Variants in GJC1 observed in about 807,000 individuals in gnomAD.
The protein encoded by GJC1 is gap junction gamma-1 protein.
In GJC1, 5 loss-of-function variants were observed where a neutral mutation model predicts 29.3. That is an observed-to-expected ratio of 0.17 (90% CI 0.09 to 0.36). The LOEUF is 0.36. Among genes scored for constraint, GJC1 ranks in the 10% least tolerant of loss-of-function variants. GJC1 has a pLI of 1.00. For synonymous variants in GJC1, 177 were observed against 183.3 expected (o/e 0.97, Z 0.28); for missense variants, 310 against 496.2 (o/e 0.62, Z 3.56).
intron 1 of GJC1, among the ~76,000 whole-genome samples, chr17:44,821,614 T>C (rs2145356971): frequency 7.0e-6 from 1 of 143,160 alleles, no homozygotes; most frequent in Non-Finnish European, 1.5e-5. Context: ...GGAGAATCAC[T>C]TGAACTTGGG....
chr17:44,798,732 A>C lies in GJC1; in HGVS notation c.*5895T>G, dbSNP rs1163685734. ...AGTTTTCAATATCAATATGCTACCC[A>C]TGTCATAACACTTAGTGCCTGAGGT... On this transcript the variant is annotated 3_prime_UTR_variant, in exon 3 of 3. Coordinates refer to ENST00000592524, the MANE Select transcript of GJC1 (RefSeq NM_005497.4). 5 of 152,248 alleles carry C rather than the reference A, an allele frequency of 3.3e-5. No homozygotes were observed. Among genetic ancestry groups the C allele is most frequent in the Middle Eastern group, 3.2e-3 (1 of 316 alleles). 9.4% of individuals were successfully genotyped at this position (152,248 alleles called of 1,614,324 possible). A position where few individuals can be genotyped will look rare whatever the true frequency, so the allele number is the denominator to read the frequency against.
intron 2 of GJC1, among the ~76,000 whole-genome samples, chr17:44,806,819 G>A (rs944736356): frequency 6.6e-6 from 1 of 151,732 alleles, no homozygotes; most frequent in East Asian, 1.9e-4. Flanking sequence ...AACATAAAGG[G>A]GACACCTCGG....
chr17:44,822,506 G>C (rs112378158), intron 1 of GJC1, among the ~76,000 whole-genome samples: 263 of 151,874 alleles, frequency 1.7e-3, no homozygotes, highest in African/African-American at 6.1e-3. Context: ...AGCTGGGCGT[G>C]GTGGCAGGCG....
In GJC1 at chr17:44,804,597, T is replaced by C. The variant is rs779720828; in HGVS notation, c.*30A>G. 2 of 1,510,688 alleles carry C rather than the reference T, an allele frequency of 1.3e-6. No homozygotes were observed. Among genetic ancestry groups the C allele is most frequent in the South Asian group, 1.2e-5 (1 of 83,298 alleles). The allele number at this position is 1,510,688 out of a possible 1,614,324, so 93.6% of individuals were successfully genotyped here. Reference sequence around the variant, plus strand: ...GTGAGCTGCTGCTTACCATAAACTATGAAAAGCACAGGTTTTAAGCCCGCC... The same window carrying C: ...GTGAGCTGCTGCTTACCATAAACTACGAAAAGCACAGGTTTTAAGCCCGCC... On this transcript the variant is annotated 3_prime_UTR_variant, in exon 3 of 3. Coordinates refer to ENST00000592524, the MANE Select transcript of GJC1 (RefSeq NM_005497.4).
intron 1 of GJC1, among the ~76,000 whole-genome samples, chr17:44,809,809 C>T (rs1263619832): frequency 2.0e-5 from 3 of 151,908 alleles, no homozygotes; most frequent in Non-Finnish European, 1.5e-5. Flanking sequence ...TCAGGTGATC[C>T]GCCTGCCTCG....
At chr17:44,821,775 T>C (rs2050111528) in intron 1 of GJC1, among the ~76,000 whole-genome samples, 1 of 150,614 alleles carries the variant, frequency 6.6e-6, no homozygotes, top group Non-Finnish European at 1.5e-5. Context: ...TGGTGTCATC[T>C]GGTACAACTT....
At chr17:44,813,194 G>A (rs920520722) in intron 1 of GJC1, 4 of 151,536 alleles carry the variant, frequency 2.6e-5, no homozygotes, top group African/African-American at 7.3e-5. Flanking sequence ...TTAGCCTCCC[G>A]AGTAGCTGGA....
chr17:44,826,427 G>A (rs137912621), intron 1 of GJC1, among the ~76,000 whole-genome samples: 17,356 of 152,008 alleles, frequency 0.11, 1,277 homozygotes, highest in Non-Finnish European at 0.17. Context: ...CTACACAGGA[G>A]GCTGAGGCAG....
intron 1 of GJC1, among the ~76,000 whole-genome samples, chr17:44,815,721 GATTA>G (rs749048417): frequency 3.9e-5 from 6 of 152,164 alleles, no homozygotes; most frequent in African/African-American, 1.2e-4. Context: ...TATAGACATT[GATTA>G]ATTGACATTT....
chr17:44,830,633 C>T, upstream of GJC1: 3 of 398,696 alleles, frequency 7.5e-6, no homozygotes, highest in African/African-American at 2.1e-5. The surrounding 1 kb of genome is among the most constrained non-coding windows in gnomAD (Gnocchi z 4.3). Context: ...GGGTTCTCGC[C>T]TTACCTGGGT....
intron 1 of GJC1, among the ~76,000 whole-genome samples, chr17:44,808,427 T>TCACACACA (rs1215633687): frequency 1.1e-5 from 1 of 91,790 alleles, no homozygotes; most frequent in Admixed American, 1.1e-4. Flanking sequence ...ACCCTGTCTC[T>TCACACACA]TACACACACA....
intron 1 of GJC1, among the ~76,000 whole-genome samples, chr17:44,816,782 G>C (rs1430574225): frequency 6.6e-6 from 1 of 151,994 alleles, no homozygotes; most frequent in Non-Finnish European, 1.5e-5. Context: ...TGGGATTACA[G>C]GTGTGAGCTA....
Position 44,804,403 on chromosome 17 carries a change from G to C in GJC1, c.*224C>G. ...CAGATCTGGAAGACACAAATGTAAA[G>C]TTCTGCAACTGTATTATTGCTAAGA... On this transcript the variant is annotated 3_prime_UTR_variant, in exon 3 of 3. Coordinates refer to ENST00000592524, the MANE Select transcript of GJC1 (RefSeq NM_005497.4). The C allele has an allele frequency of 2.0e-6, 1 of 502,432 alleles. No individual in the cohort carries two copies. Among genetic ancestry groups the C allele is most frequent in the South Asian group, 3.6e-5 (1 of 27,518 alleles). The allele number at this position is 502,432 out of a possible 1,614,324, so 31.1% of individuals were successfully genotyped here.
upstream of GJC1, among the ~76,000 whole-genome samples, chr17:44,830,405 G>T (rs1434678348): frequency 2.1e-4 from 32 of 152,010 alleles, no homozygotes; most frequent in Non-Finnish European, 4.1e-4. The surrounding 1 kb of genome is among the most constrained non-coding windows in gnomAD (Gnocchi z 4.3). Flanking sequence ...CGCGGGAAGC[G>T]ACGCGAGCGC....
intron 1 of GJC1, among the ~76,000 whole-genome samples, chr17:44,809,274 G>A (rs758405560): frequency 6.6e-6 from 1 of 152,102 alleles, no homozygotes; most frequent in Non-Finnish European, 1.5e-5. Flanking sequence ...AAAATTTCCA[G>A]TACAGCTCCC....
intron 1 of GJC1, among the ~76,000 whole-genome samples, chr17:44,820,996 A>C (rs1290646463): frequency 2.0e-5 from 3 of 152,222 alleles, no homozygotes; most frequent in Non-Finnish European, 4.4e-5. Flanking sequence ...CCTAAAATAT[A>C]ATTTGTGGCG....
At chr17:44,794,116 C>T (rs539175973), downstream of GJC1, 1 of 152,242 alleles carries the variant, frequency 6.6e-6, no homozygotes, top group Non-Finnish European at 1.5e-5. Flanking sequence ...AGTGTGAGTT[C>T]TTTCTATATT....
rs2049839578 is a variant in GJC1 at position 44,801,110 on chromosome 17, T to C, written c.*3517A>G. ...CAGCCTGGCCAACATGATGAAGCCC[T>C]GTCTATATTAAAAATACAAAAAAAA... On this transcript the variant is annotated 3_prime_UTR_variant, in exon 3 of 3. Coordinates refer to ENST00000592524, the MANE Select transcript of GJC1 (RefSeq NM_005497.4). The C allele has an allele frequency of 6.6e-6, 1 of 151,884 alleles. No homozygotes were observed. The highest frequency in any genetic ancestry group is 1.5e-5 in the Non-Finnish European group (1 of 67,980). The allele number at this position is 151,884 out of a possible 1,614,324, so 9.4% of individuals were successfully genotyped here.
chr17:44,825,002 A>C (rs945396398), intron 1 of GJC1, among the ~76,000 whole-genome samples: 9 of 150,464 alleles, frequency 6.0e-5, no homozygotes, highest in Non-Finnish European at 1.2e-4. Context: ...TGAGCCCAGG[A>C]GTTCAAGACC....
Sources: gnomAD v4.1 joint callset for allele counts (sites outside exome capture counted in the v4.1 genomes callset) on GRCh38, gnomAD v4.1.1 for gene constraint, Gnocchi (gnomAD v3.1) non-coding constraint, MANE v1.5 for transcripts, NCBI Gene and HGNC (gene_info 2026-07-23, HGNC 2026-07-21) for gene names.